Variants in PTPRD observed in about 807,000 individuals in gnomAD.
PTPRD encodes protein tyrosine phosphatase receptor type D.
Under a neutral mutation model 214.5 loss-of-function variants are expected in PTPRD, and 34 were observed. The ratio of observed to expected loss-of-function variants is 0.16; its 90% confidence interval spans 0.12 to 0.21. The LOEUF (loss-of-function observed/expected upper bound fraction) is 0.21. PTPRD is among the 10% of genes least tolerant of loss of function. PTPRD has a pLI of 1.00. For synonymous variants in PTPRD, 1,128 were observed against 845.7 expected, an observed-to-expected ratio of 1.33 and a Z score of -5.79; for missense variants, 2,545 against 2,398.7, an observed-to-expected ratio of 1.06 and a Z score of -1.27.
intron 10 of PTPRD, among the ~76,000 whole-genome samples, chr9:9,175,818 G>A (rs2099924469): frequency 6.6e-6 from 1 of 151,932 alleles, no homozygotes; most frequent in African/African-American, 2.4e-5. Flanking sequence ...TCACATCATT[G>A]AGTATTTGGA....
At chr9:10,521,719 C>G (rs2052356944) in intron 2 of PTPRD, among the ~76,000 whole-genome samples, 1 of 152,014 alleles carries the variant, frequency 6.6e-6, no homozygotes, top group Admixed American at 6.6e-5. Context: ...GTGGCGGGAC[C>G]CTACACTGGC....
At chr9:10,006,207 T>A (rs2096470675) in intron 4 of PTPRD, among the ~76,000 whole-genome samples, 1 of 152,010 alleles carries the variant, frequency 6.6e-6, no homozygotes, top group East Asian at 1.9e-4. Context: ...ATTTAATCAT[T>A]TTAATACATT....
At chr9:8,447,403 T>G (rs549262849) in intron 34 of PTPRD, among the ~76,000 whole-genome samples, 3 of 152,352 alleles carry the variant, frequency 2.0e-5, no homozygotes, top group African/African-American at 4.8e-5. Context: ...CATTCTTCTT[T>G]CTGGTATCTT....
chr9:9,472,900 T>A (rs1229613943), intron 8 of PTPRD, among the ~76,000 whole-genome samples: 1 of 152,220 alleles, frequency 6.6e-6, no homozygotes, highest in East Asian at 1.9e-4. Context: ...TTATTACATG[T>A]ATACAAGGTG....
intron 2 of PTPRD, among the ~76,000 whole-genome samples, chr9:10,506,099 G>C (rs900405950): frequency 6.6e-6 from 1 of 152,028 alleles, no homozygotes; most frequent in Non-Finnish European, 1.5e-5. Flanking sequence ...AAGTGGCAAT[G>C]TTTTTCTAAT....
intron 8 of PTPRD, among the ~76,000 whole-genome samples, chr9:9,529,211 C>G (rs1382972380): frequency 4.7e-5 from 7 of 149,898 alleles, no homozygotes; most frequent in African/African-American, 1.7e-4. Context: ...GAATTACAGG[C>G]GTGAGCCACC....
chr9:9,433,555 T>C (rs1403038650), intron 8 of PTPRD, among the ~76,000 whole-genome samples: 2 of 152,190 alleles, frequency 1.3e-5, no homozygotes, highest in Non-Finnish European at 2.9e-5. Flanking sequence ...GGAAAATTAA[T>C]TTATTATGAG....
At chr9:10,321,501 G>A (rs1597063459) in intron 3 of PTPRD, among the ~76,000 whole-genome samples, 1 of 152,086 alleles carries the variant, frequency 6.6e-6, no homozygotes, top group Admixed American at 6.6e-5. Context: ...ACAAGATTAG[G>A]TTGGAAAAAT....
At chr9:9,867,748 GT>G (rs2064342951) in intron 5 of PTPRD, among the ~76,000 whole-genome samples, 1 of 152,126 alleles carries the variant, frequency 6.6e-6, no homozygotes, top group South Asian at 2.1e-4. Flanking sequence ...AAATTATGGA[GT>G]TGGCAGGCAA....
intron 9 of PTPRD, among the ~76,000 whole-genome samples, chr9:9,197,035 C>T (rs572152245): frequency 6.6e-6 from 1 of 152,200 alleles, no homozygotes; most frequent in East Asian, 1.9e-4. Context: ...TGTCAAAACC[C>T]ACAAATGACC....
At chr9:8,817,188 G>C (rs2096937861) in intron 11 of PTPRD, among the ~76,000 whole-genome samples, 1 of 152,172 alleles carries the variant, frequency 6.6e-6, no homozygotes, top group Admixed American at 6.5e-5. Context: ...TCTCATGCTA[G>C]TTAAATTCAC....
chr9:8,964,095 G>T (rs1405950879), intron 11 of PTPRD, among the ~76,000 whole-genome samples: 1 of 145,700 alleles, frequency 6.9e-6, no homozygotes, highest in Non-Finnish European at 1.5e-5. Flanking sequence ...CCTCCTCCTT[G>T]ATTTCAATTT....
intron 10 of PTPRD, among the ~76,000 whole-genome samples, chr9:9,148,085 G>T (rs1253607082): frequency 6.6e-6 from 1 of 152,160 alleles, no homozygotes; most frequent in Non-Finnish European, 1.5e-5. Flanking sequence ...TTTAGCTTTT[G>T]TATTGCATTT....
intron 12 of PTPRD, among the ~76,000 whole-genome samples, chr9:8,725,549 A>G (rs2098547996): frequency 6.6e-6 from 1 of 152,204 alleles, no homozygotes; most frequent in Non-Finnish European, 1.5e-5. Context: ...ATGGGATAAT[A>G]TATGCCAACA....
intron 3 of PTPRD, among the ~76,000 whole-genome samples, chr9:10,050,593 CTA>C (rs1365836478): frequency 1.9e-4 from 14 of 73,312 alleles, no homozygotes; most frequent in South Asian, 9.2e-4. Flanking sequence ...AAAAAAAAGA[CTA>C]TGTCAATTTA....
intron 8 of PTPRD, among the ~76,000 whole-genome samples, chr9:9,454,409 A>C (rs2145481385): frequency 6.6e-6 from 1 of 151,874 alleles, no homozygotes; most frequent in South Asian, 2.1e-4. Flanking sequence ...ATTTTGTTAT[A>C]AAATGGCTAT....
intron 39 of PTPRD, among the ~76,000 whole-genome samples, chr9:8,367,961 T>G (rs1192318673): frequency 6.6e-6 from 1 of 152,196 alleles, no homozygotes; most frequent in East Asian, 1.9e-4. Context: ...TTGTTTAATG[T>G]GCTCGAGGTC....
intron 5 of PTPRD, among the ~76,000 whole-genome samples, chr9:9,819,397 T>C (rs1012237985): frequency 1.3e-5 from 2 of 152,206 alleles, no homozygotes; most frequent in Admixed American, 6.5e-5. Context: ...ACTTTGCAGA[T>C]TTGATATGAT....
chr9:9,694,460 G>A (rs946005290), intron 7 of PTPRD, among the ~76,000 whole-genome samples: 49 of 152,072 alleles, frequency 3.2e-4, no homozygotes, highest in Non-Finnish European at 5.3e-4. Flanking sequence ...GTGTGTTGAT[G>A]CAAGCTCCTT....
Sources: gnomAD v4.1 joint callset for allele counts (sites outside exome capture counted in the v4.1 genomes callset) on GRCh38, gnomAD v4.1.1 for gene constraint, MANE v1.5 for transcripts, NCBI Gene and HGNC (gene_info 2026-07-23, HGNC 2026-07-21) for gene names.